CACNB2: variants seen among roughly 807,000 people sequenced by gnomAD.
The protein encoded by CACNB2 is voltage-dependent L-type calcium channel subunit beta-2.
CACNB2 carries 42 observed loss-of-function variants against 73.3 expected under a neutral mutation model. The ratio of observed to expected loss-of-function variants is 0.57; its 90% CI spans 0.45 to 0.74. CACNB2 has a LOEUF of 0.74. Among genes scored for constraint, CACNB2 ranks in the 30% least tolerant of loss-of-function variants. The probability of loss-of-function intolerance (pLI) is 0.00; values close to 1 mark genes in which losing one functional copy is unlikely to be tolerated. For synonymous variants in CACNB2, 348 were observed against 310.3 expected, an observed-to-expected ratio of 1.12 and a Z score of -1.28; for missense variants, 940 against 853.0, an observed-to-expected ratio of 1.10 and a Z score of -1.27.
chr10:18,518,443 T>A, intron 8 of CACNB2, 27 bp downstream of exon 8: 1 of 1,441,318 alleles, frequency 6.9e-7, no homozygotes. Flanking sequence ...CACAGGAAGC[T>A]TAACTTGCAT....
intron 2 of CACNB2, among the ~76,000 whole-genome samples, chr10:18,250,501 G>A (rs1283878019): frequency 1.3e-5 from 2 of 151,644 alleles, no homozygotes; most frequent in African/African-American, 2.4e-5. Context: ...AAGAGGTCAA[G>A]GAGGTCTGCC....
At chr10:18,391,762 A>G (rs1346941032) in intron 2 of CACNB2, among the ~76,000 whole-genome samples, 5 of 151,866 alleles carry the variant, frequency 3.3e-5, no homozygotes, top group African/African-American at 1.2e-4. Context: ...CTCCATCTCT[A>G]CAGAAAATAC....
At chr10:18,240,057 A>C (rs751777528) in intron 2 of CACNB2, among the ~76,000 whole-genome samples, 1 of 152,216 alleles carries the variant, frequency 6.6e-6, no homozygotes, top group Non-Finnish European at 1.5e-5. Flanking sequence ...CTTTTTTAAA[A>C]ATCTTCAGTA....
intron 2 of CACNB2, among the ~76,000 whole-genome samples, chr10:18,232,090 G>A (rs975397616): frequency 6.6e-6 from 1 of 152,136 alleles, no homozygotes; most frequent in African/African-American, 2.4e-5. Flanking sequence ...CTCTTCTGAA[G>A]GTAACAATGA....
At chr10:18,163,044 G>A (rs1446818377) in intron 2 of CACNB2, among the ~76,000 whole-genome samples, 1 of 152,090 alleles carries the variant, frequency 6.6e-6, no homozygotes, top group Non-Finnish European at 1.5e-5. Flanking sequence ...TCCAAGACAG[G>A]ATATATATGA....
At chr10:18,491,079 G>C (rs916203474) in intron 3 of CACNB2, among the ~76,000 whole-genome samples, 3 of 152,222 alleles carry the variant, frequency 2.0e-5, no homozygotes, top group African/African-American at 7.2e-5. Context: ...GGAACACCAA[G>C]ATTTTTTGGC....
At chr10:18,233,740 C>T (rs77409537) in intron 2 of CACNB2, among the ~76,000 whole-genome samples, 7,144 of 152,084 alleles carry the variant, frequency 0.047, 596 homozygotes, top group African/African-American at 0.16. Flanking sequence ...TTCAAGCTCC[C>T]GCTGAGTGTG....
chr10:18,370,200 C>T (rs2042519792), intron 2 of CACNB2, among the ~76,000 whole-genome samples: 1 of 152,234 alleles, frequency 6.6e-6, no homozygotes, highest in African/African-American at 2.4e-5. Context: ...GTGGCTTCTA[C>T]TAGACTCCTT....
chr10:18,396,967 A>C (rs1220310958), intron 2 of CACNB2, among the ~76,000 whole-genome samples: 1 of 152,190 alleles, frequency 6.6e-6, no homozygotes, highest in East Asian at 1.9e-4. Flanking sequence ...TTAAGACTTC[A>C]TATAAAGATT....
intron 2 of CACNB2, among the ~76,000 whole-genome samples, chr10:18,285,304 C>A (rs185192077): frequency 1.1e-4 from 16 of 152,286 alleles, no homozygotes; most frequent in Admixed American, 2.0e-4. Flanking sequence ...TTTGCAGCTC[C>A]TTAGGGTTTC....
intron 3 of CACNB2, among the ~76,000 whole-genome samples, chr10:18,446,892 C>T (rs2046760401): frequency 6.6e-6 from 1 of 151,928 alleles, no homozygotes; most frequent in Admixed American, 6.6e-5. Flanking sequence ...CAGTGAGACC[C>T]TGTCTCTAAA....
chr10:18,332,213 C>T (rs1163291985), intron 2 of CACNB2, among the ~76,000 whole-genome samples: 1 of 152,108 alleles, frequency 6.6e-6, no homozygotes, highest in Non-Finnish European at 1.5e-5. Flanking sequence ...TTTGGCTGCT[C>T]TATGGAGATT....
Position 18,387,131 on chromosome 10 carries a change from C to T in CACNB2, c.214-14793C>T, listed in dbSNP as rs76002207. 6.0e-3 allele frequency among the ~76,000 whole-genome samples: 911 copies of T among 152,290 alleles called. 6 individuals are homozygous for T. The highest frequency in any genetic ancestry group is 9.2e-3 in the Admixed American group (141 of 15,292). The stretch of plus-strand genomic sequence containing the variant: ...TCACTAAGCTCTTGCTCCTTAGAAA[C>T]TCGAAGATCCTCCACCCCTTCCCAT... On this transcript the variant is annotated intron_variant, in intron 2 of 13. Transcript: ENST00000324631.
chr10:18,278,159 C>T (rs192200625), intron 2 of CACNB2, among the ~76,000 whole-genome samples: 40 of 152,172 alleles, frequency 2.6e-4, no homozygotes, highest in African/African-American at 6.0e-4. Context: ...TACATCATGA[C>T]GAAAGAAATG....
At chr10:18,172,498 AT>A (rs904664821) in intron 2 of CACNB2, among the ~76,000 whole-genome samples, 2 of 151,574 alleles carry the variant, frequency 1.3e-5, no homozygotes, top group South Asian at 2.1e-4. Context: ...TTTTTTTGTA[AT>A]TTTTTTTCAA....
intron 3 of CACNB2, among the ~76,000 whole-genome samples, chr10:18,408,622 A>G (rs1303662780): frequency 6.6e-6 from 1 of 152,166 alleles, no homozygotes; most frequent in African/African-American, 2.4e-5. Flanking sequence ...ATAGGTTTAC[A>G]AAACACAAGC....
intron 2 of CACNB2, among the ~76,000 whole-genome samples, chr10:18,159,315 G>A (rs979690851): frequency 1.6e-4 from 25 of 152,244 alleles, no homozygotes; most frequent in Admixed American, 5.9e-4. Context: ...AGGTTGCTGC[G>A]TTGCACACTT....
chr10:18,448,422 C>G (rs1445295731), intron 3 of CACNB2, among the ~76,000 whole-genome samples: 1 of 136,870 alleles, frequency 7.3e-6, no homozygotes, highest in Non-Finnish European at 1.5e-5. Context: ...TTGCGGTGAG[C>G]TGAGATTGTG....
intron 2 of CACNB2, among the ~76,000 whole-genome samples, chr10:18,204,703 A>G (rs1020231352): frequency 6.6e-6 from 1 of 152,216 alleles, no homozygotes. Flanking sequence ...CTGCGAGGGC[A>G]AGTACACTAC....
Sources: allele counts gnomAD v4.1 joint callset (sites outside exome capture counted in the v4.1 genomes callset), GRCh38; gene constraint gnomAD v4.1.1; transcripts MANE v1.5; gene names NCBI Gene and HGNC (gene_info 2026-07-23, HGNC 2026-07-21).